The following LPA variants were observed in gnomAD, a reference collection of about 807,000 sequenced individuals.
The protein encoded by LPA is apolipoprotein(a).
Under a neutral mutation model 197.9 loss-of-function variants are expected in LPA, and 199 were observed. The observed-to-expected ratio is 1.01, with a 90% CI of 0.90 to 1.13. The LOEUF (loss-of-function observed/expected upper bound fraction) is 1.13, where lower values mean the gene tolerates loss of function less well. Ranked by LOEUF, LPA falls within the 50% of genes most tolerant of loss-of-function variation. The probability of loss-of-function intolerance (pLI) is 0.00; values close to 1 mark genes in which losing one functional copy is unlikely to be tolerated. For synonymous variants in LPA, 715 were observed against 639.5 expected (o/e 1.12, Z -1.78); for missense variants, 1,853 against 1,785.8 (o/e 1.04, Z -0.68).
At chr6:160,563,847 T>A (rs1368616756) in intron 28 of LPA, among the ~76,000 whole-genome samples, 1 of 152,246 alleles carries the variant, frequency 6.6e-6, no homozygotes, top group African/African-American at 2.4e-5. Flanking sequence ...TGATCTTTGA[T>A]GGTTTAAAGT....
chr6:160,609,532 T>G (rs928595963), intron 16 of LPA, among the ~76,000 whole-genome samples: 5 of 152,092 alleles, frequency 3.3e-5, no homozygotes, highest in African/African-American at 1.2e-4. Context: ...GTTTTTTTTC[T>G]CGAAATTTCC....
At chr6:160,577,382 G>A in intron 27 of LPA, 87 bp from the exon 28 acceptor site, 2 of 1,266,452 alleles carry the variant, frequency 1.6e-6, no homozygotes, top group African/African-American at 1.5e-5. Context: ...CTGGACAGTA[G>A]CCTCTGAAAA....
chr6:160,648,357 T>A (rs1005113950), intron 2 of LPA, among the ~76,000 whole-genome samples: 1 of 152,206 alleles, frequency 6.6e-6, no homozygotes, highest in Non-Finnish European at 1.5e-5. Flanking sequence ...ATTTTTCTGA[T>A]CCATTGAGCT....
At chr6:160,590,806 G>T (rs1045822623) in intron 23 of LPA, 138 bp downstream of exon 23, 5 of 1,215,180 alleles carry the variant, frequency 4.1e-6, no homozygotes, top group South Asian at 2.6e-5. Flanking sequence ...AAGGCGCTGA[G>T]GCTTCCTTCC....
intron 28 of LPA, among the ~76,000 whole-genome samples, chr6:160,558,012 T>C (rs147374665): frequency 2.0e-5 from 3 of 151,722 alleles, no homozygotes; most frequent in South Asian, 2.1e-4. Context: ...GTCTGCCTCC[T>C]GGGTTCAAGC....
At position 160,557,509 on chromosome 6, in the gene LPA, G is replaced by A; in HGVS notation, c.4694C>T (p.Thr1565Ile). ...DSGKQPWCYT[T>I]DPCVRWEYCN... ...GTACTCCCACCTCACACACGGATCG[G>A]TTGTGTAACACCAGGGTTGTTTCCC... The change falls in exon 29 of 39, where the codon ACC (threonine) becomes ATC (isoleucine). Residue 1565 changes from threonine (T) to isoleucine (I), a missense_variant. Around this residue, in one of 3 missense-constraint regions of LPA, gnomAD observed 1,737 missense variants for 1,504.4 expected, o/e 1.15. Transcript: ENST00000316300. 6.2e-7 allele frequency: 1 copy of A among 1,614,066 alleles called. No individual in the cohort carries two copies. Among genetic ancestry groups the A allele is most frequent in the South Asian group, 1.1e-5 (1 of 91,062 alleles).
chr6:160,563,056 C>T (rs541996676), intron 28 of LPA, among the ~76,000 whole-genome samples: 59 of 152,056 alleles, frequency 3.9e-4, no homozygotes, highest in Non-Finnish European at 7.1e-4. Context: ...GTTTTCGTGT[C>T]TTTATCCCCT....
intron 30 of LPA, among the ~76,000 whole-genome samples, chr6:160,552,374 T>C (rs1479409169): frequency 6.6e-6 from 1 of 152,202 alleles, no homozygotes; most frequent in African/African-American, 2.4e-5. Flanking sequence ...TTTTAATCTA[T>C]AAGCATGGTG....
chr6:160,659,424 A>G (rs560623678), intron 1 of LPA, among the ~76,000 whole-genome samples: 1 of 152,328 alleles, frequency 6.6e-6, no homozygotes, highest in Non-Finnish European at 1.5e-5. Flanking sequence ...AAAAACACAG[A>G]GTGCAGCCAG....
chr6:160,589,740 T>C, intron 23 of LPA, 28 bp from the exon 24 acceptor site: 2 of 1,613,048 alleles, frequency 1.2e-6, no homozygotes, highest in East Asian at 2.2e-5. Context: ...GAAAACAAAC[T>C]GAGTAATTTC....
At chr6:160,589,427 G>C (rs1313660594) in intron 24 of LPA, 126 bp downstream of exon 24, 25 of 1,133,932 alleles carry the variant, frequency 2.2e-5, no homozygotes, top group Non-Finnish European at 3.1e-5. Flanking sequence ...AGAAGCCTGA[G>C]ACATTCTGTC....
intron 28 of LPA, among the ~76,000 whole-genome samples, chr6:160,575,283 T>C (rs535850224): frequency 1.3e-5 from 2 of 152,298 alleles, no homozygotes; most frequent in Admixed American, 6.5e-5. Context: ...TGATATCTGA[T>C]CACAAGATCA....
intron 37 of LPA, among the ~76,000 whole-genome samples, chr6:160,535,549 T>C (rs930765032): frequency 9.9e-3 from 3 of 304 alleles, no homozygotes; most frequent in African/African-American, 0.041. Context: ...ATGGTGGTAG[T>C]AGTGGTAGTG....
At position 160,540,163 on chromosome 6, in the gene LPA, T is replaced by A; in HGVS notation, c.5615A>T (p.Tyr1872Phe). ...TTGGTGTGCACCCAGGATGACCTTG[T>A]AGGATGAAGGCCTTGAGGACCTAGA... ...CLKKSSRPSS[Y>F]KVILGAHQEV... Residue 1872 changes from tyrosine to phenylalanine, a missense_variant, in exon 36 of 39, where the codon TAC (tyrosine) becomes TTC (phenylalanine). Physicochemically the swap from Tyr to Phe is conservative, Grantham distance 22. Around this residue, in one of 3 missense-constraint regions of LPA, gnomAD observed 1,737 missense variants for 1,504.4 expected, o/e 1.15. Transcript: ENST00000316300. The A allele has an allele frequency of 6.2e-7, 1 of 1,614,036 alleles. No homozygotes were observed. The highest frequency in any genetic ancestry group is 8.5e-7 in the Non-Finnish European group (1 of 1,180,014).
intron 1 of LPA, among the ~76,000 whole-genome samples, chr6:160,663,527 G>A (rs999278621): frequency 3.9e-5 from 6 of 152,316 alleles, no homozygotes; most frequent in African/African-American, 1.4e-4. Flanking sequence ...CACACACGGT[G>A]TGTATGTGTG....
At chr6:160,535,965 T>G (rs1390417801) in intron 37 of LPA, among the ~76,000 whole-genome samples, 1 of 152,188 alleles carries the variant, frequency 6.6e-6, no homozygotes, top group African/African-American at 2.4e-5. Flanking sequence ...ATAATCCTCT[T>G]GAAGGATCTA....
chr6:160,595,650 C>G, intron 20 of LPA, 115 bp from the exon 21 acceptor site: 1 of 1,467,912 alleles, frequency 6.8e-7, no homozygotes, highest in Non-Finnish European at 9.4e-7. Context: ...AATATTTTCA[C>G]TAAAGGTCCC....
intron 16 of LPA, among the ~76,000 whole-genome samples, chr6:160,610,033 C>CT (rs1160644937): frequency 6.6e-6 from 1 of 151,980 alleles, no homozygotes; most frequent in East Asian, 1.9e-4. Context: ...CTTTGTTGCA[C>CT]TTTTTTTAAA....
chr6:160,597,447 T>C (rs1172691280), intron 20 of LPA, among the ~76,000 whole-genome samples: 1 of 152,216 alleles, frequency 6.6e-6, no homozygotes, highest in Non-Finnish European at 1.5e-5. Context: ...GGCTCTAGGA[T>C]TCACACCTGT....
Sources: gnomAD v4.1 joint callset for allele counts (sites outside exome capture counted in the v4.1 genomes callset) on GRCh38, gnomAD v4.1.1 for gene constraint, gnomAD v4.1.1 regional missense constraint, MANE v1.5 for transcripts, NCBI Gene and HGNC (gene_info 2026-07-23, HGNC 2026-07-21) for gene names.